NIBAN2: variants seen among roughly 807,000 people sequenced by gnomAD.
The protein encoded by NIBAN2 is niban apoptosis regulator 2.
A neutral mutation model predicts 81.8 loss-of-function variants in NIBAN2; 36 were observed. The ratio of observed to expected loss-of-function variants is 0.44; its 90% CI spans 0.34 to 0.58. The LOEUF (loss-of-function observed/expected upper bound fraction) is 0.58, where lower values mean the gene tolerates loss of function less well. NIBAN2 is among the 20% of genes least tolerant of loss of function. The pLI is 0.02. For synonymous variants in NIBAN2, 445 were observed against 441.6 expected (o/e 1.01, Z -0.10); for missense variants, 897 against 1,014.1 (o/e 0.88, Z 1.57).
In NIBAN2 at chr9:127,507,431, G is replaced by C. The variant is rs964730229; in HGVS notation, c.1655C>G (p.Ala552Gly). Residue 552 changes from alanine (A) to glycine (G), a missense_variant and splice_region_variant, in exon 14 of 14, where the codon GCT becomes GGT. By Grantham distance (60) the Ala-to-Gly change is moderately conservative (BLOSUM62 0). Transcript: ENST00000373312. The surrounding 1 kb of genome is among the most constrained non-coding windows in gnomAD (Gnocchi z 6.8). ...LQTVMKDILQ[A>G]VKEAAVQRKH... ...CCTCTGCACCGCGGCCTCCTTCACA[G>C]CTACAGGGCCACAGGGGAAGGGTCA... The C allele has an allele frequency of 8.6e-6, 13 of 1,505,062 alleles. No homozygotes were observed. The highest frequency in any genetic ancestry group is 1.2e-5 in the Non-Finnish European group (13 of 1,127,522). 93.2% of individuals were successfully genotyped at this position (1,505,062 alleles called of 1,614,324 possible). A position where few individuals can be genotyped will look rare whatever the true frequency, so the allele number is the denominator to read the frequency against.
intron 1 of NIBAN2, among the ~76,000 whole-genome samples, chr9:127,561,977 G>A (rs1041805771): frequency 6.6e-6 from 1 of 152,232 alleles, no homozygotes; most frequent in Non-Finnish European, 1.5e-5. Flanking sequence ...AGCAGTGCAG[G>A]AATTTCTGCA....
At chr9:127,529,950 T>G (rs995463676) in intron 2 of NIBAN2, among the ~76,000 whole-genome samples, 2 of 152,154 alleles carry the variant, frequency 1.3e-5, no homozygotes, top group African/African-American at 4.8e-5. Flanking sequence ...CAAATAAATA[T>G]GCACTCCTGC....
intron 8 of NIBAN2, among the ~76,000 whole-genome samples, chr9:127,515,336 C>G (rs949460867): frequency 3.3e-5 from 5 of 151,890 alleles, no homozygotes; most frequent in Non-Finnish European, 5.9e-5. Flanking sequence ...CTGGCTAACA[C>G]GGTGAAACCT....
chr9:127,516,818 C>T (rs1394378468), intron 8 of NIBAN2, 39 bp downstream of exon 8: 7 of 1,588,996 alleles, frequency 4.4e-6, no homozygotes, highest in South Asian at 1.1e-5. Flanking sequence ...TCCACCTTGG[C>T]CCCTGGAGGG....
At position 127,507,693 on chromosome 9, in the gene NIBAN2, G is replaced by A. The variant is rs1356082120; in HGVS notation, c.1654+174C>T. On this transcript the variant is annotated intron_variant, in intron 13 of 13. Coordinates refer to ENST00000373312, the MANE Select transcript of NIBAN2 (RefSeq NM_022833.4). This position sits in a 1 kb window ranked among gnomAD's most constrained non-coding sequence, Gnocchi z 6.8. ...CGAGAAGAAACTAAAGCACAGAGAC[G>A]CAAGGCTAAGGCTGCTCCGGAGGCC... Among the ~76,000 whole-genome samples, 2 of 152,212 alleles carry A rather than the reference G, an allele frequency of 1.3e-5. No homozygotes were observed. Among genetic ancestry groups the A allele is most frequent in the Non-Finnish European group, 2.9e-5 (2 of 68,036 alleles).
rs149467001 is a variant in NIBAN2, at chr9:127,527,236, G to A, written c.273C>T (p.Leu91=). 33 of 1,613,932 alleles carry A rather than the reference G, an allele frequency of 2.0e-5. No individual in the cohort carries two copies. Among genetic ancestry groups the A allele is most frequent in the Admixed American group, 3.3e-5 (2 of 60,010 alleles). The change falls in exon 3 of 14, where the codon CTC becomes CTT. Residue 91 remains leucine, a synonymous_variant. Coordinates refer to ENST00000373312, the MANE Select transcript of NIBAN2 (RefSeq NM_022833.4). ...GCACCAGCCCGTAGTTGTGGGGCAC[G>A]AGGCTGAAGCGGTTTCTCCACTTCT... is the stretch of plus-strand genomic sequence containing the variant. ...DSKKWRNRFS[L]VPHNYGLVLY...
At chr9:127,534,709 G>C (rs543115218) in intron 1 of NIBAN2, among the ~76,000 whole-genome samples, 1 of 152,196 alleles carries the variant, frequency 6.6e-6, no homozygotes, top group Admixed American at 6.5e-5. Flanking sequence ...TCCAGTTTGG[G>C]GGGAGGAAGG....
intron 1 of NIBAN2, among the ~76,000 whole-genome samples, chr9:127,565,905 A>C (rs1342662613): frequency 2.0e-5 from 3 of 149,868 alleles, no homozygotes; most frequent in African/African-American, 4.9e-5. Context: ...TTCAAGACCA[A>C]CCTGGGCAAC....
chr9:127,558,171 C>G lies in NIBAN2; in HGVS notation c.55+10649G>C, dbSNP rs150488582. Among the ~76,000 whole-genome samples, 484 of 152,274 alleles carry G rather than the reference C, an allele frequency of 3.2e-3. 3 individuals carry two copies. Among genetic ancestry groups the G allele is most frequent in the African/African-American group, 0.011 (466 of 41,554 alleles). On this transcript the variant is annotated intron_variant, in intron 1 of 13. Coordinates refer to ENST00000373312, the MANE Select transcript of NIBAN2 (RefSeq NM_022833.4). ...CTGCGCATAGACGGGCCTGGGCTGT[C>G]TCCTCGGACACAGGCCCATCTGTGA...
At chr9:127,528,029 A>G (rs1362865629) in intron 2 of NIBAN2, among the ~76,000 whole-genome samples, 1 of 152,206 alleles carries the variant, frequency 6.6e-6, no homozygotes, top group East Asian at 1.9e-4. Flanking sequence ...TGCCTGACTC[A>G]CAGTGTGTCT....
intron 1 of NIBAN2, among the ~76,000 whole-genome samples, chr9:127,535,024 C>T (rs529798457): frequency 6.7e-6 from 1 of 149,490 alleles, no homozygotes; most frequent in African/African-American, 2.4e-5. Context: ...CTGTTGTTTT[C>T]CTATTTCAGG....
chr9:127,558,093 G>A (rs938783414), intron 1 of NIBAN2, among the ~76,000 whole-genome samples: 2 of 152,164 alleles, frequency 1.3e-5, no homozygotes, highest in Admixed American at 6.5e-5. Context: ...AGGAGTGGGG[G>A]TGGGAGGGGA....
chr9:127,575,328 A>G (rs1837995943), intron 1 of NIBAN2, among the ~76,000 whole-genome samples: 1 of 150,534 alleles, frequency 6.6e-6, no homozygotes, highest in South Asian at 2.1e-4. Flanking sequence ...TCCTGGGTTC[A>G]AGCAATTCTC....
At chr9:127,522,111 C>T (rs527970305) in intron 5 of NIBAN2, among the ~76,000 whole-genome samples, 1 of 152,238 alleles carries the variant, frequency 6.6e-6, no homozygotes, top group East Asian at 1.9e-4. Flanking sequence ...GCAGCCAGAG[C>T]CTTGAGTGCC....
chr9:127,527,321 A>G lies in NIBAN2; in HGVS notation c.188T>C (p.Val63Ala). ...LPQAQLLWRK[V>A]PLDERIVFSG... Reference sequence around the variant, plus strand: ...GAAGACGATGCGCTCGTCCAGTGGCACCTGTGGGCAGGAGCGGGTGGGGAG... The same window carrying G: ...GAAGACGATGCGCTCGTCCAGTGGCGCCTGTGGGCAGGAGCGGGTGGGGAG... Residue 63 changes from valine (V) to alanine (A), a missense_variant and splice_region_variant, in exon 3 of 14, where the codon GTG (valine) becomes GCG (alanine). This residue lies in a region of NIBAN2 where 209 missense variants were observed against 208.4 expected (regional missense o/e 1.00). Coordinates refer to ENST00000373312, the MANE Select transcript of NIBAN2 (RefSeq NM_022833.4). 1 of 1,609,256 alleles carries G rather than the reference A, an allele frequency of 6.2e-7. No homozygotes were observed. Among genetic ancestry groups the G allele is most frequent in the Non-Finnish European group, 8.5e-7 (1 of 1,178,182 alleles).
chr9:127,524,844 T>C lies in NIBAN2; in HGVS notation c.421+214A>G, dbSNP rs559277062. 2.4e-4 allele frequency: 128 copies of C among 529,388 alleles called. 1 individual carries two copies. Among genetic ancestry groups the C allele is most frequent in the African/African-American group, 2.3e-3 (123 of 52,452 alleles). 32.8% of individuals were successfully genotyped at this position (529,388 alleles called of 1,614,324 possible). On this transcript the variant is annotated intron_variant, in intron 4 of 13. Transcript: ENST00000373312. ...ACGAACACAGTGCTGACCCACAGGT[T>C]TACGAGGGAAGGTCACTGAACATCT... is the stretch of plus-strand genomic sequence containing the variant.
intron 5 of NIBAN2, among the ~76,000 whole-genome samples, chr9:127,518,972 C>T (rs1361698990): frequency 6.6e-6 from 1 of 151,976 alleles, no homozygotes; most frequent in African/African-American, 2.4e-5. Context: ...GTCAGGAGTT[C>T]GAGACCAGTC....
chr9:127,506,784 G>T lies in NIBAN2; in HGVS notation c.*61C>A. On this transcript the variant is annotated 3_prime_UTR_variant, in exon 14 of 14. Coordinates refer to ENST00000373312, the MANE Select transcript of NIBAN2 (RefSeq NM_022833.4). ...ACCAGGGTGCCCTCCCCAGAGCTGAGCCTGCCTGGGTCCGGAAGGGAACGG... is the reference window on the plus strand; with the variant it reads ...ACCAGGGTGCCCTCCCCAGAGCTGATCCTGCCTGGGTCCGGAAGGGAACGG... 1 of 1,467,168 alleles carries T rather than the reference G, an allele frequency of 6.8e-7. No homozygotes were observed. Among genetic ancestry groups the T allele is most frequent in the Non-Finnish European group, 9.2e-7 (1 of 1,084,232 alleles). The allele number at this position is 1,467,168 out of a possible 1,614,324, so 90.9% of individuals were successfully genotyped here. A position where few individuals can be genotyped will look rare whatever the true frequency, so the allele number is the denominator to read the frequency against.
chr9:127,515,382 A>C (rs546666889), intron 8 of NIBAN2, among the ~76,000 whole-genome samples: 5 of 151,608 alleles, frequency 3.3e-5, no homozygotes. Flanking sequence ...TTAGGTAGGC[A>C]TGGTGGCGGG....
Sources: gnomAD v4.1 joint callset for allele counts (sites outside exome capture counted in the v4.1 genomes callset) on GRCh38, gnomAD v4.1.1 for gene constraint, gnomAD v4.1.1 regional missense constraint, Gnocchi (gnomAD v3.1) non-coding constraint, MANE v1.5 for transcripts, NCBI Gene and HGNC (gene_info 2026-07-23, HGNC 2026-07-21) for gene names.